The following SLC35D4 variants were observed in gnomAD, a reference collection of about 807,000 sequenced individuals.
The protein encoded by SLC35D4 is UDP-N-acetylglucosamine transporter SLC35D4.
the SLC35D4 span, among the ~76,000 whole-genome samples, chr18:23,253,327 T>C: frequency 6.6e-6 from 1 of 151,878 alleles, no homozygotes; most frequent in African/African-American, 2.4e-5. Context: ...TACTAAAAAT[T>C]TAAAAATTAG....
chr18:23,351,030 TC>T, the SLC35D4 span, among the ~76,000 whole-genome samples: 3 of 152,192 alleles, frequency 2.0e-5, no homozygotes, highest in African/African-American at 7.2e-5. Flanking sequence ...TTCATCAACC[TC>T]CTCACTCTGT....
At chr18:23,301,109 T>C in the SLC35D4 span, among the ~76,000 whole-genome samples, 1 of 152,230 alleles carries the variant, frequency 6.6e-6, no homozygotes, top group African/African-American at 2.4e-5. Flanking sequence ...CCCAAACTAT[T>C]TGGTCTAAAA....
chr18:23,250,226 C>T, the SLC35D4 span, among the ~76,000 whole-genome samples: 1 of 152,194 alleles, frequency 6.6e-6, no homozygotes, highest in Non-Finnish European at 1.5e-5. Context: ...GTCAGGCCCC[C>T]AACAAAGGCA....
chr18:23,311,101 T>TC, the SLC35D4 span, among the ~76,000 whole-genome samples: 2 of 150,482 alleles, frequency 1.3e-5, no homozygotes, highest in Admixed American at 6.6e-5. Context: ...TCTTTTCTCT[T>TC]CCCTTTTTTT....
the SLC35D4 span, among the ~76,000 whole-genome samples, chr18:23,349,266 A>G: frequency 6.6e-6 from 1 of 152,150 alleles, no homozygotes; most frequent in African/African-American, 2.4e-5. Flanking sequence ...TTCTTATTAC[A>G]CATATGTTTG....
the SLC35D4 span, among the ~76,000 whole-genome samples, chr18:23,388,073 T>G: frequency 1.3e-5 from 2 of 152,188 alleles, no homozygotes; most frequent in South Asian, 4.1e-4. Flanking sequence ...TCTTACTGAA[T>G]TAAGACCTTA....
chr18:23,369,941 G>A, the SLC35D4 span, among the ~76,000 whole-genome samples: 1 of 152,226 alleles, frequency 6.6e-6, no homozygotes, highest in Admixed American at 6.5e-5. Flanking sequence ...AGCACTTTGG[G>A]AGGCCGAGGC....
At chr18:23,253,965 G>A in the SLC35D4 span, 5 of 1,592,866 alleles carry the variant, frequency 3.1e-6, no homozygotes, top group East Asian at 2.2e-5. Flanking sequence ...GGTGGCTGGA[G>A]GAGCACATGC....
the SLC35D4 span, among the ~76,000 whole-genome samples, chr18:23,418,094 A>G: frequency 6.6e-6 from 1 of 152,192 alleles, no homozygotes; most frequent in Non-Finnish European, 1.5e-5. Context: ...GCTTAGTATA[A>G]CATATAAAAT....
the SLC35D4 span, chr18:23,365,484 G>A: frequency 1.3e-6 from 1 of 788,674 alleles, no homozygotes; most frequent in East Asian, 2.8e-5. Context: ...TTTATTAAGA[G>A]CAGTTTCAAA....
the SLC35D4 span, among the ~76,000 whole-genome samples, chr18:23,381,055 T>G: frequency 6.6e-6 from 1 of 152,180 alleles, no homozygotes; most frequent in Non-Finnish European, 1.5e-5. Flanking sequence ...TCATCAAGGC[T>G]CCTAGCTGTA....
the SLC35D4 span, chr18:23,296,029 T>G: frequency 6.6e-6 from 1 of 152,144 alleles, no homozygotes; most frequent in African/African-American, 2.4e-5. Context: ...GTAAATTCAT[T>G]TATTTTGGAG....
At chr18:23,251,588 G>A in the SLC35D4 span, among the ~76,000 whole-genome samples, 5 of 152,306 alleles carry the variant, frequency 3.3e-5, no homozygotes, top group South Asian at 1.0e-3. Flanking sequence ...ACAGTGCAGG[G>A]TACAGAGGAG....
At chr18:23,327,668 G>GA in the SLC35D4 span, among the ~76,000 whole-genome samples, 44 of 150,248 alleles carry the variant, frequency 2.9e-4, no homozygotes, top group Admixed American at 9.3e-4. Flanking sequence ...CCAATCAATA[G>GA]AAAAAAAAAT....
chr18:23,379,315 G>C, the SLC35D4 span, among the ~76,000 whole-genome samples: 1 of 151,944 alleles, frequency 6.6e-6, no homozygotes, highest in African/African-American at 2.4e-5. Flanking sequence ...GTAGAGATGG[G>C]GTTTCACCAT....
chr18:23,424,527 A>T, the SLC35D4 span, among the ~76,000 whole-genome samples: 1 of 152,214 alleles, frequency 6.6e-6, no homozygotes, highest in Admixed American at 6.5e-5. Flanking sequence ...AACCAAGGAC[A>T]GGGAAAAGAA....
chr18:23,262,475 C>G, the SLC35D4 span, among the ~76,000 whole-genome samples: 312 of 152,352 alleles, frequency 2.0e-3, 2 homozygotes, highest in African/African-American at 7.2e-3. Context: ...GGGGACATCA[C>G]AAATGGGCAG....
the SLC35D4 span, among the ~76,000 whole-genome samples, chr18:23,327,451 A>C: frequency 1.3e-5 from 2 of 152,238 alleles, no homozygotes; most frequent in African/African-American, 4.8e-5. Context: ...AAAATCTAGA[A>C]GAAATGGATA....
At chr18:23,300,308 T>C in the SLC35D4 span, among the ~76,000 whole-genome samples, 4 of 152,194 alleles carry the variant, frequency 2.6e-5, no homozygotes, top group Admixed American at 2.6e-4. Context: ...TCCCAGGCAA[T>C]GCAGAGTCAC....
Sources: gnomAD v4.1 joint callset for allele counts (sites outside exome capture counted in the v4.1 genomes callset) on GRCh38, gnomAD v4.1.1 for gene constraint, MANE v1.5 for transcripts, NCBI Gene and HGNC (gene_info 2026-07-23, HGNC 2026-07-21) for gene names.